LGR4: variants seen among roughly 807,000 people sequenced by gnomAD.
LGR4 encodes the protein leucine-rich repeat-containing G protein-coupled receptor 4.
A neutral mutation model predicts 84.8 loss-of-function variants in LGR4; 44 were observed. The ratio of observed to expected loss-of-function variants is 0.52; its 90% CI spans 0.41 to 0.67. LGR4 has a LOEUF of 0.67. Ranked by LOEUF, LGR4 falls within the 30% of genes least tolerant of loss-of-function variation. The pLI, the probability that LGR4 is intolerant of heterozygous loss-of-function variation, is 0.00. For synonymous variants in LGR4, 429 were observed against 434.3 expected (o/e 0.99, Z 0.15); for missense variants, 1,032 against 1,131.4 (o/e 0.91, Z 1.26).
chr11:27,439,899 C>CTTTTTTTTTT (rs1565094286), intron 1 of LGR4, among the ~76,000 whole-genome samples: 1 of 139,386 alleles, frequency 7.2e-6, no homozygotes. Context: ...GGTAGGATTT[C>CTTTTTTTTTT]TCTTTTTTTT....
chr11:27,371,754 C>A, intron 16 of LGR4, 56 bp from the exon 17 acceptor site: 1 of 1,307,224 alleles, frequency 7.6e-7, no homozygotes, highest in South Asian at 1.2e-5. Context: ...TCAAAAGAAC[C>A]ATATTTTCCT....
At chr11:27,439,608 G>A (rs1050659840) in intron 1 of LGR4, among the ~76,000 whole-genome samples, 2 of 152,064 alleles carry the variant, frequency 1.3e-5, no homozygotes, top group African/African-American at 4.8e-5. Context: ...TGAAATTGCT[G>A]GGCCATATGG....
intron 1 of LGR4, among the ~76,000 whole-genome samples, chr11:27,468,467 C>A (rs2133463461): frequency 6.6e-6 from 1 of 152,316 alleles, no homozygotes; most frequent in Middle Eastern, 3.4e-3. Context: ...ACACACACTT[C>A]TAAACACAAA....
chr11:27,456,701 A>C (rs1371566491), intron 1 of LGR4, among the ~76,000 whole-genome samples: 1 of 152,208 alleles, frequency 6.6e-6, no homozygotes, highest in African/African-American at 2.4e-5. Context: ...GACACACACA[A>C]AAAAACACTA....
At chr11:27,457,427 T>C (rs1270017361) in intron 1 of LGR4, among the ~76,000 whole-genome samples, 1 of 152,220 alleles carries the variant, frequency 6.6e-6, no homozygotes, top group Non-Finnish European at 1.5e-5. Context: ...AATTCTTCTC[T>C]TTTAAAAGCA....
At chr11:27,420,180 T>C (rs1237896549) in intron 1 of LGR4, among the ~76,000 whole-genome samples, 1 of 152,184 alleles carries the variant, frequency 6.6e-6, no homozygotes, top group Non-Finnish European at 1.5e-5. Flanking sequence ...ATTCATCCTA[T>C]GTCTAGCCAT....
chr11:27,449,318 C>A (rs891150740), intron 1 of LGR4, among the ~76,000 whole-genome samples: 3 of 152,196 alleles, frequency 2.0e-5, no homozygotes, highest in African/African-American at 7.2e-5. Context: ...CGAGATGGCT[C>A]ATGCCTGTAA....
chr11:27,367,814 C>A lies in LGR4; in HGVS notation c.*53G>T. On this transcript the variant is annotated 3_prime_UTR_variant, in exon 18 of 18. Transcript: ENST00000379214. Reference sequence around the variant, plus strand: ...AGATGAAAGATGAGAATAGGGTTCACTCTATAAACACTGATTTTGGTTGAC... The same window carrying A: ...AGATGAAAGATGAGAATAGGGTTCAATCTATAAACACTGATTTTGGTTGAC... 7.5e-7 allele frequency: 1 copy of A among 1,334,214 alleles called. No homozygotes were observed. Among genetic ancestry groups the A allele is most frequent in the Non-Finnish European group, 1.0e-6 (1 of 968,244 alleles). The allele number at this position is 1,334,214 out of a possible 1,614,324, so 82.6% of individuals were successfully genotyped here.
chr11:27,441,836 G>A (rs61241748), intron 1 of LGR4, among the ~76,000 whole-genome samples: 2,144 of 152,258 alleles, frequency 0.014, 52 homozygotes, highest in African/African-American at 0.048. Flanking sequence ...CAGAACTTAC[G>A]GCAGGGGAGA....
intron 1 of LGR4, among the ~76,000 whole-genome samples, chr11:27,437,294 C>T (rs544195455): frequency 6.6e-6 from 1 of 150,402 alleles, no homozygotes; most frequent in Non-Finnish European, 1.5e-5. Context: ...ACTGTTTTGG[C>T]CAATTTTTTT....
chr11:27,425,034 C>T (rs1327478870), intron 1 of LGR4, among the ~76,000 whole-genome samples: 1 of 152,152 alleles, frequency 6.6e-6, no homozygotes, highest in East Asian at 1.9e-4. Context: ...AGGCGTGAGA[C>T]ACCTGCCTGG....
chr11:27,410,614 C>A (rs931109974), intron 2 of LGR4, among the ~76,000 whole-genome samples: 8 of 151,964 alleles, frequency 5.3e-5, no homozygotes, highest in Non-Finnish European at 1.2e-4. Flanking sequence ...AAAGCATAGG[C>A]TTTTTATATT....
intron 1 of LGR4, among the ~76,000 whole-genome samples, chr11:27,451,265 T>C (rs1270122048): frequency 6.6e-6 from 1 of 152,190 alleles, no homozygotes; most frequent in Non-Finnish European, 1.5e-5. Context: ...TTCACACCAC[T>C]ATTTTAATGA....
At chr11:27,393,004 T>A (rs1460657994) in intron 2 of LGR4, among the ~76,000 whole-genome samples, 2 of 152,154 alleles carry the variant, frequency 1.3e-5, no homozygotes, top group African/African-American at 4.8e-5. Flanking sequence ...AGGCAAAAAG[T>A]GTGAGTCATT....
rs576241867 is a variant in LGR4 at position 27,394,448 on chromosome 11, G to C, written c.258-1930C>G. 4.4e-4 allele frequency among the ~76,000 whole-genome samples: 67 copies of C among 152,222 alleles called. 1 individual carries two copies. In the South Asian group the frequency reaches 0.011, roughly 25 times the overall value. ...GACGGAGTCTCACTCTGTCGCCCAGGCTGGAGTGCAGTGGTGCAATCTCAG... is the reference window on the plus strand; with the variant it reads ...GACGGAGTCTCACTCTGTCGCCCAGCCTGGAGTGCAGTGGTGCAATCTCAG... On this transcript the variant is annotated intron_variant, in intron 2 of 17. Coordinates refer to ENST00000379214, the MANE Select transcript of LGR4 (RefSeq NM_018490.5).
At chr11:27,431,823 A>T (rs549160110) in intron 1 of LGR4, among the ~76,000 whole-genome samples, 1 of 152,204 alleles carries the variant, frequency 6.6e-6, no homozygotes, top group Non-Finnish European at 1.5e-5. Flanking sequence ...CCTGAGTTCA[A>T]ATCCAAGTTC....
chr11:27,469,277 A>G (rs760926228), intron 1 of LGR4, among the ~76,000 whole-genome samples: 13 of 152,232 alleles, frequency 8.5e-5, no homozygotes, highest in Non-Finnish European at 1.9e-4. Context: ...GTTAGACTGA[A>G]CAAGTTTCAA....
At chr11:27,409,858 C>A (rs890957769) in intron 2 of LGR4, among the ~76,000 whole-genome samples, 1 of 152,072 alleles carries the variant, frequency 6.6e-6, no homozygotes, top group African/African-American at 2.4e-5. Flanking sequence ...GAAGACTATC[C>A]CAAATCCTAC....
rs950220161 is a variant in LGR4, at chr11:27,455,586, A to G, written c.185+16532T>C. 4.6e-5 allele frequency among the ~76,000 whole-genome samples: 7 copies of G among 152,222 alleles called. No homozygotes were observed. The East Asian group carries it at 1.3e-3, about 29-fold the overall frequency. ...AGTTTTAGATCCACTGCATTAGATG[A>G]CCTTTAAGATCCTTTCCAAATCTAC... On this transcript the variant is annotated intron_variant, in intron 1 of 17. Coordinates refer to ENST00000379214, the MANE Select transcript of LGR4 (RefSeq NM_018490.5).
Sources: allele counts gnomAD v4.1 joint callset (sites outside exome capture counted in the v4.1 genomes callset), GRCh38; gene constraint gnomAD v4.1.1; transcripts MANE v1.5; gene names NCBI Gene and HGNC (gene_info 2026-07-23, HGNC 2026-07-21).